NEBL: variants seen among roughly 807,000 people sequenced by gnomAD.
NEBL encodes nebulette.
In NEBL, 122 loss-of-function variants were observed where a neutral mutation model predicts 140.2. The ratio of observed to expected loss-of-function variants is 0.87; its 90% confidence interval spans 0.75 to 1.01. The LOEUF (loss-of-function observed/expected upper bound fraction) is 1.01. Ranked by LOEUF, NEBL falls within the 50% of genes least tolerant of loss-of-function variation. The probability of loss-of-function intolerance (pLI) is 0.00; values close to 1 mark genes in which losing one functional copy is unlikely to be tolerated. For synonymous variants in NEBL, 436 were observed against 398.9 expected, an observed-to-expected ratio of 1.09 and a Z score of -1.11; for missense variants, 1,365 against 1,231.3, an observed-to-expected ratio of 1.11 and a Z score of -1.62.
At chr10:21,073,620 A>C (rs1380873075) in intron 2 of NEBL, among the ~76,000 whole-genome samples, 1 of 119,394 alleles carries the variant, frequency 8.4e-6, no homozygotes, top group Non-Finnish European at 1.7e-5. Flanking sequence ...CTGTCGTCAA[A>C]AAAAAAAAAA....
At chr10:21,274,156 T>C (rs1564553821) in intron 1 of NEBL, among the ~76,000 whole-genome samples, 1 of 152,054 alleles carries the variant, frequency 6.6e-6, no homozygotes, top group Non-Finnish European at 1.5e-5. Flanking sequence ...AACAAGAAAG[T>C]GAGGGCAAAA....
intron 1 of NEBL, among the ~76,000 whole-genome samples, chr10:21,289,474 G>T (rs987896903): frequency 6.6e-6 from 1 of 152,140 alleles, no homozygotes; most frequent in African/African-American, 2.4e-5. Flanking sequence ...TGTGCCCTTG[G>T]CTCACTTAGT....
intron 3 of NEBL, among the ~76,000 whole-genome samples, chr10:21,243,495 TG>T (rs1478858378): frequency 6.6e-6 from 1 of 151,866 alleles, no homozygotes; most frequent in Non-Finnish European, 1.5e-5. Flanking sequence ...TTAGTAGAGA[TG>T]GGGTTTTGCC....
chr10:20,940,921 C>A (rs958158778), intron 4 of NEBL, among the ~76,000 whole-genome samples: 6 of 152,092 alleles, frequency 3.9e-5, no homozygotes, highest in East Asian at 1.9e-4. Flanking sequence ...CAATAACAGG[C>A]TCTGAAATTG....
intron 10 of NEBL, among the ~76,000 whole-genome samples, chr10:20,852,036 G>A (rs1280438861): frequency 6.6e-6 from 1 of 151,838 alleles, no homozygotes; most frequent in Non-Finnish European, 1.5e-5. Context: ...CGACTTTAAA[G>A]TATGCTAGAG....
chr10:21,219,188 T>C (rs542861397), intron 3 of NEBL, among the ~76,000 whole-genome samples: 1 of 152,190 alleles, frequency 6.6e-6, no homozygotes, highest in Non-Finnish European at 1.5e-5. Context: ...TGGGTGTGTG[T>C]TTGATGTGTA....
intron 3 of NEBL, among the ~76,000 whole-genome samples, chr10:21,204,190 G>C (rs184256274): frequency 2.6e-5 from 4 of 152,292 alleles, no homozygotes; most frequent in African/African-American, 7.2e-5. Flanking sequence ...AGATGGCTTA[G>C]AACAAGCCTC....
At chr10:20,823,671 TA>T (rs1260383799) in intron 18 of NEBL, among the ~76,000 whole-genome samples, 3 of 152,192 alleles carry the variant, frequency 2.0e-5, no homozygotes, top group Admixed American at 1.3e-4. Context: ...AATTAAAATT[TA>T]ACAAGTATTT....
chr10:21,053,669 G>C (rs573977343), intron 2 of NEBL, among the ~76,000 whole-genome samples: 10 of 152,110 alleles, frequency 6.6e-5, no homozygotes, highest in Non-Finnish European at 1.3e-4. Context: ...TCATTTTTAA[G>C]GTATGGCCTG....
chr10:20,946,960 C>T (rs1835196345), intron 4 of NEBL, among the ~76,000 whole-genome samples: 1 of 151,928 alleles, frequency 6.6e-6, no homozygotes, highest in Non-Finnish European at 1.5e-5. Flanking sequence ...CCCCAAGATC[C>T]CCAGAAACTG....
chr10:21,186,183 T>C (rs1480181339), intron 3 of NEBL, among the ~76,000 whole-genome samples: 1 of 151,998 alleles, frequency 6.6e-6, no homozygotes, highest in East Asian at 1.9e-4. Context: ...TAGAAAGCTG[T>C]TACAGATGTA....
chr10:21,000,438 C>T (rs1589124446), intron 3 of NEBL, among the ~76,000 whole-genome samples: 2 of 147,282 alleles, frequency 1.4e-5, no homozygotes, highest in South Asian at 4.4e-4. Flanking sequence ...CTTTTCCTGG[C>T]CAAACAAATT....
At chr10:20,802,936 T>G (rs774948069) in intron 26 of NEBL, among the ~76,000 whole-genome samples, 18 of 152,186 alleles carry the variant, frequency 1.2e-4, no homozygotes, top group Non-Finnish European at 2.1e-4. Context: ...GCCATTCTTA[T>G]GACAGATGCA....
chr10:21,113,126 G>C, intron 2 of NEBL: 2 of 258,916 alleles, frequency 7.7e-6, no homozygotes, highest in South Asian at 8.8e-5. Flanking sequence ...AAGTGGAGGA[G>C]GAGGGAAGAG....
chr10:21,264,357 C>CA (rs1012880219), intron 1 of NEBL, among the ~76,000 whole-genome samples: 13 of 152,266 alleles, frequency 8.5e-5, no homozygotes, highest in African/African-American at 3.1e-4. Context: ...TGGCCCTCTG[C>CA]AAGGAGCTAG....
intron 2 of NEBL, chr10:21,020,297 C>G (rs1838735813): frequency 9.3e-7 from 1 of 1,081,028 alleles, no homozygotes; most frequent in African/African-American, 1.5e-5. Flanking sequence ...CTTTTCCCAA[C>G]CCCATCACAG....
intron 2 of NEBL, among the ~76,000 whole-genome samples, chr10:20,895,603 CTTA>C (rs1473699785): frequency 5.9e-5 from 9 of 152,182 alleles, no homozygotes; most frequent in African/African-American, 1.4e-4. Flanking sequence ...GTCATTGTCA[CTTA>C]TTATTACTGC....
chr10:21,035,383 C>G (rs1833973229), intron 2 of NEBL, among the ~76,000 whole-genome samples: 1 of 149,010 alleles, frequency 6.7e-6, no homozygotes, highest in African/African-American at 2.5e-5. Flanking sequence ...AGAAAATGAA[C>G]TAAGCATTGT....
intron 2 of NEBL, among the ~76,000 whole-genome samples, chr10:21,082,841 C>A (rs1836449098): frequency 6.8e-6 from 1 of 147,006 alleles, no homozygotes; most frequent in Non-Finnish European, 1.5e-5. Flanking sequence ...CGGCTCACTG[C>A]AACCTCCAGC....
Sources: gnomAD v4.1 joint callset for allele counts (sites outside exome capture counted in the v4.1 genomes callset) on GRCh38, gnomAD v4.1.1 for gene constraint, MANE v1.5 for transcripts, NCBI Gene and HGNC (gene_info 2026-07-23, HGNC 2026-07-21) for gene names.